The following IGF1R variants were observed in gnomAD, a reference collection of about 807,000 sequenced individuals.
The protein encoded by IGF1R is insulin-like growth factor 1 receptor.
A neutral mutation model predicts 144.6 loss-of-function variants in IGF1R; 44 were observed. That is an observed-to-expected ratio of 0.30 (90% CI 0.24 to 0.39). IGF1R has a LOEUF of 0.39. Among genes scored for constraint, IGF1R ranks in the 10% least tolerant of loss-of-function variants. The pLI is 1.00. For synonymous variants in IGF1R, 795 were observed against 722.8 expected (o/e 1.10, Z -1.60); for missense variants, 1,355 against 1,833.7 (o/e 0.74, Z 4.77).
intron 2 of IGF1R, among the ~76,000 whole-genome samples, chr15:98,887,810 C>G (rs1315296220): frequency 2.0e-5 from 3 of 152,250 alleles, no homozygotes; most frequent in Non-Finnish European, 4.4e-5. Flanking sequence ...TCCCTCTCTT[C>G]TTTCAGCCCT....
Position 98,953,666 on chromosome 15 carries a change from C to T in IGF1R, c.3723-3395C>T, listed in dbSNP as rs74698805. On this transcript the variant is annotated intron_variant, in intron 20 of 20. Coordinates refer to ENST00000650285, the MANE Select transcript of IGF1R (RefSeq NM_000875.5). Reference sequence around the variant, plus strand: ...TCTGCTGCTAACACTTCCACAGCTCCACGTGTCCAGACTGTTGCCAGAGAC... The same window carrying T: ...TCTGCTGCTAACACTTCCACAGCTCTACGTGTCCAGACTGTTGCCAGAGAC... 5.0e-4 allele frequency among the ~76,000 whole-genome samples: 76 copies of T among 152,304 alleles called. 2 individuals carry two copies. In the East Asian group the frequency reaches 0.014, roughly 29 times the overall value.
intron 1 of IGF1R, among the ~76,000 whole-genome samples, chr15:98,698,111 T>G (rs1038033467): frequency 6.6e-6 from 1 of 150,566 alleles, no homozygotes; most frequent in African/African-American, 2.5e-5. Flanking sequence ...CGATCTTGGC[T>G]CACTGCAACC....
intron 5 of IGF1R, among the ~76,000 whole-genome samples, chr15:98,907,018 C>T (rs1004428069): frequency 4.6e-5 from 7 of 152,352 alleles, no homozygotes; most frequent in East Asian, 3.9e-4. Flanking sequence ...TCCTTCTGGT[C>T]GTTCTTAAAG....
In IGF1R at chr15:98,649,525, C is replaced by CTTT. The variant is rs544674838; in HGVS notation, c.-35_-33dup. 1,204 of 725,462 alleles carry CTTT rather than the reference C, an allele frequency of 1.7e-3. 6 individuals carry two copies. Among genetic ancestry groups the CTTT allele is most frequent in the South Asian group, 4.4e-3 (249 of 56,090 alleles). 44.9% of individuals were successfully genotyped at this position (725,462 alleles called of 1,614,324 possible). A position where few individuals can be genotyped will look rare whatever the true frequency, so the allele number is the denominator to read the frequency against. ...TCATTTCCTTTTTTTCTTTTCTTTT[C>CTTT]TTTTTTTTTTTTTTTTTTTTTTTTG... On this transcript the variant is annotated 5_prime_UTR_variant, in exon 1 of 21. Coordinates refer to ENST00000650285, the MANE Select transcript of IGF1R (RefSeq NM_000875.5).
chr15:98,963,007 A>C lies in IGF1R; in HGVS notation c.*5565A>C. The C allele has an allele frequency of 4.3e-6, 1 of 233,698 alleles. No individual in the cohort carries two copies. The highest frequency in any genetic ancestry group is 5.6e-5 in the Admixed American group (1 of 17,796). The allele number at this position is 233,698 out of a possible 1,614,324, so 14.5% of individuals were successfully genotyped here. A position where few individuals can be genotyped will look rare whatever the true frequency, so the allele number is the denominator to read the frequency against. Reference sequence around the variant, plus strand: ...TCAACATTGTTTTAACTAGTCACTCATTAGCGTTTTCAATAGGGCTCTTAA... The same window carrying C: ...TCAACATTGTTTTAACTAGTCACTCCTTAGCGTTTTCAATAGGGCTCTTAA... On this transcript the variant is annotated 3_prime_UTR_variant, in exon 21 of 21. Coordinates refer to ENST00000650285, the MANE Select transcript of IGF1R (RefSeq NM_000875.5).
At chr15:98,856,305 G>T (rs950251195) in intron 2 of IGF1R, among the ~76,000 whole-genome samples, 2 of 152,212 alleles carry the variant, frequency 1.3e-5, no homozygotes, top group Non-Finnish European at 2.9e-5. Context: ...TATATGACGG[G>T]CATCGTCCAT....
intron 2 of IGF1R, among the ~76,000 whole-genome samples, chr15:98,785,826 G>C (rs148716064): frequency 2.0e-5 from 3 of 152,124 alleles, no homozygotes; most frequent in African/African-American, 7.2e-5. Context: ...CATGTGAGGT[G>C]CCCCAATAAA....
intron 5 of IGF1R, among the ~76,000 whole-genome samples, chr15:98,904,550 C>A (rs368312177): frequency 6.6e-6 from 1 of 152,106 alleles, no homozygotes; most frequent in East Asian, 1.9e-4. Flanking sequence ...TATAAACCAG[C>A]CTGTTTGCAG....
Position 98,959,953 on chromosome 15 carries a change from T to C in IGF1R, c.*2511T>C. On this transcript the variant is annotated 3_prime_UTR_variant, in exon 21 of 21. Transcript: ENST00000650285. ...ACTGTAGAAAAGCCCCATTATGAATTTAAATTTCAAGGAAAGGGTGTGTGT... is the reference window on the plus strand; with the variant it reads ...ACTGTAGAAAAGCCCCATTATGAATCTAAATTTCAAGGAAAGGGTGTGTGT... The C allele has an allele frequency of 4.4e-6, 1 of 228,434 alleles. No individual in the cohort carries two copies. 14.2% of individuals were successfully genotyped at this position (228,434 alleles called of 1,614,324 possible).
In IGF1R at chr15:98,909,261, C is replaced by CTTTTTTTTTTTTTTTTTT. The variant is rs752298130; in HGVS notation, c.1462+363_1462+380dup. Among the ~76,000 whole-genome samples, 21 of 91,738 alleles carry CTTTTTTTTTTTTTTTTTT rather than the reference C, an allele frequency of 2.3e-4. 1 individual carries two copies. Among genetic ancestry groups the CTTTTTTTTTTTTTTTTTT allele is most frequent in the East Asian group, 6.8e-4 (2 of 2,932 alleles). The allele number at this position is 91,738 out of a possible 152,430, so 60.2% of individuals were successfully genotyped here. Reference sequence around the variant, plus strand: ...TCTTTTCTTTTTTTTCTTTTTTTTTCTTTTTTTTTTTTTTTTTTGAGATGG... The same window carrying CTTTTTTTTTTTTTTTTTT: ...TCTTTTCTTTTTTTTCTTTTTTTTTCTTTTTTTTTTTTTTTTTTTTTTTTTTTTTTTTTTTTGAGATGG... On this transcript the variant is annotated intron_variant, in intron 6 of 20. Transcript: ENST00000650285.
chr15:98,711,983 T>C (rs534836380), intron 2 of IGF1R, among the ~76,000 whole-genome samples: 2 of 152,312 alleles, frequency 1.3e-5, no homozygotes, highest in African/African-American at 4.8e-5. Context: ...GCGTCTTTTT[T>C]ATAAGGGCAC....
chr15:98,924,747 A>G, intron 13 of IGF1R, 63 bp downstream of exon 13: 2 of 1,430,198 alleles, frequency 1.4e-6, no homozygotes, highest in South Asian at 1.1e-5. Context: ...CAGGATCAGG[A>G]CAGCCCGAGT....
intron 2 of IGF1R, among the ~76,000 whole-genome samples, chr15:98,866,598 A>G (rs935895406): frequency 1.3e-5 from 2 of 152,222 alleles, no homozygotes; most frequent in Non-Finnish European, 2.9e-5. Context: ...CTGCCTGGTC[A>G]TCAATTATAG....
At chr15:98,899,754 GT>G in intron 5 of IGF1R, 133 bp downstream of exon 5, 1 of 872,140 alleles carries the variant, frequency 1.1e-6, no homozygotes, top group East Asian at 2.6e-5. Flanking sequence ...AGTATTGCCT[GT>G]GCTGCTCGAG....
chr15:98,842,279 G>A (rs1383553275), intron 2 of IGF1R, among the ~76,000 whole-genome samples: 2 of 152,284 alleles, frequency 1.3e-5, no homozygotes, highest in South Asian at 2.1e-4. Context: ...TGATAAGACA[G>A]AAACTTCTGT....
rs1490692705 is a variant in IGF1R at position 98,910,233 on chromosome 15, C to CT, written c.1463-1080dup. On this transcript the variant is annotated intron_variant, in intron 6 of 20. Coordinates refer to ENST00000650285, the MANE Select transcript of IGF1R (RefSeq NM_000875.5). Reference sequence around the variant, plus strand: ...CACTCTATCCCTGCAAAGCCCCTGCCTTGCTCCCTGTTCAGATCATAGTAA... The same window carrying CT: ...CACTCTATCCCTGCAAAGCCCCTGCCTTTGCTCCCTGTTCAGATCATAGTAA... Among the ~76,000 whole-genome samples, 8 of 152,350 alleles carry CT rather than the reference C, an allele frequency of 5.3e-5. No individual in the cohort carries two copies. The East Asian group carries it at 1.5e-3, about 29-fold the overall frequency.
In IGF1R at chr15:98,733,567, G is replaced by A. The variant is rs2054544857; in HGVS notation, c.640+25460G>A. Among the ~76,000 whole-genome samples the A allele has an allele frequency of 3.3e-5, 5 of 152,014 alleles. No individual in the cohort carries two copies. The South Asian group carries it at 1.0e-3, about 32-fold the overall frequency. On this transcript the variant is annotated intron_variant, in intron 2 of 20. Coordinates refer to ENST00000650285, the MANE Select transcript of IGF1R (RefSeq NM_000875.5). Reference sequence around the variant, plus strand: ...ATCTCAGGGGAATTCCCTCTCCGAGGAGCCTCCACTGCTATTGCATGGCCC... The same window carrying A: ...ATCTCAGGGGAATTCCCTCTCCGAGAAGCCTCCACTGCTATTGCATGGCCC...
intron 10 of IGF1R, among the ~76,000 whole-genome samples, chr15:98,921,293 T>G (rs993583382): frequency 6.6e-6 from 1 of 152,190 alleles, no homozygotes; most frequent in Non-Finnish European, 1.5e-5. Flanking sequence ...ACAAAGCCCA[T>G]TTCTTCATAT....
chr15:98,719,684 G>A (rs2054202123), intron 2 of IGF1R, among the ~76,000 whole-genome samples: 1 of 152,156 alleles, frequency 6.6e-6, no homozygotes, highest in Admixed American at 6.5e-5. Context: ...CGGCTGTCGT[G>A]CCTCCTGTGT....
Sources: gnomAD v4.1 joint callset for allele counts (sites outside exome capture counted in the v4.1 genomes callset) on GRCh38, gnomAD v4.1.1 for gene constraint, MANE v1.5 for transcripts, NCBI Gene and HGNC (gene_info 2026-07-23, HGNC 2026-07-21) for gene names.